CNTN5: variants seen among roughly 807,000 people sequenced by gnomAD.
The protein encoded by CNTN5 is contactin-5.
Under a neutral mutation model 129.1 loss-of-function variants are expected in CNTN5, and 77 were observed. The ratio of observed to expected loss-of-function variants is 0.60; its 90% CI spans 0.50 to 0.72. The LOEUF (loss-of-function observed/expected upper bound fraction) is 0.72. Among genes scored for constraint, CNTN5 ranks in the 30% least tolerant of loss-of-function variants. The pLI, the probability that CNTN5 is intolerant of heterozygous loss-of-function variation, is 0.00. For synonymous variants in CNTN5, 509 were observed against 465.6 expected (o/e 1.09, Z -1.20); for missense variants, 1,478 against 1,328.8 (o/e 1.11, Z -1.75).
intron 13 of CNTN5, among the ~76,000 whole-genome samples, chr11:100,161,872 C>CACACAAAA (rs1191557675): frequency 1.6e-5 from 2 of 127,620 alleles, no homozygotes; most frequent in African/African-American, 6.0e-5. Flanking sequence ...CACACACACA[C>CACACAAAA]AAAACAAAAA....
intron 15 of CNTN5, among the ~76,000 whole-genome samples, chr11:100,200,636 G>A (rs1591385816): frequency 6.6e-6 from 1 of 151,788 alleles, no homozygotes. Flanking sequence ...TTTGTCGGGG[G>A]CATGCTTGGA....
At chr11:99,468,769 T>C (rs1407408900) in intron 2 of CNTN5, among the ~76,000 whole-genome samples, 1 of 151,458 alleles carries the variant, frequency 6.6e-6, no homozygotes, top group East Asian at 1.9e-4. Context: ...AGTTTCCCTC[T>C]TGTTGCCCAG....
intron 13 of CNTN5, among the ~76,000 whole-genome samples, chr11:100,120,155 A>G (rs1164568966): frequency 6.6e-6 from 1 of 151,876 alleles, no homozygotes; most frequent in Admixed American, 6.6e-5. Flanking sequence ...ACTTTTCACT[A>G]TTATAGGATA....
intron 21 of CNTN5, among the ~76,000 whole-genome samples, chr11:100,331,069 T>C (rs1043948717): frequency 1.3e-5 from 2 of 152,196 alleles, no homozygotes; most frequent in African/African-American, 2.4e-5. Flanking sequence ...CAACTAAGTT[T>C]CTGCTGTCCT....
At chr11:99,971,464 A>G (rs1008749823) in intron 8 of CNTN5, among the ~76,000 whole-genome samples, 1 of 151,552 alleles carries the variant, frequency 6.6e-6, no homozygotes, top group African/African-American at 2.4e-5. Flanking sequence ...AATCGCTTGA[A>G]CCCGAGAGGC....
chr11:99,593,506 G>C (rs1308885050), intron 3 of CNTN5, among the ~76,000 whole-genome samples: 2 of 152,106 alleles, frequency 1.3e-5, no homozygotes, highest in Non-Finnish European at 2.9e-5. Flanking sequence ...ACAAAAGCAT[G>C]CTATGACAGA....
At chr11:99,532,479 G>A (rs564950580) in intron 2 of CNTN5, among the ~76,000 whole-genome samples, 54 of 152,226 alleles carry the variant, frequency 3.5e-4, no homozygotes, top group African/African-American at 1.1e-3. Context: ...TTTGAAATGT[G>A]AGGACATGAG....
chr11:99,187,834 T>C (rs1422029885), intron 1 of CNTN5, among the ~76,000 whole-genome samples: 1 of 151,840 alleles, frequency 6.6e-6, no homozygotes, highest in Non-Finnish European at 1.5e-5. Context: ...TGTAAAACAT[T>C]ATTAAATACA....
intron 24 of CNTN5, among the ~76,000 whole-genome samples, chr11:100,354,329 G>A (rs1463872820): frequency 6.6e-6 from 1 of 151,598 alleles, no homozygotes; most frequent in East Asian, 1.9e-4. Context: ...TTGTGGTTAT[G>A]TAGGGCTATT....
chr11:100,161,144 A>G (rs1216270680), intron 13 of CNTN5, among the ~76,000 whole-genome samples: 2 of 151,872 alleles, frequency 1.3e-5, no homozygotes, highest in East Asian at 3.9e-4. Context: ...TTAATTGTCA[A>G]GTAAGATTAG....
intron 3 of CNTN5, among the ~76,000 whole-genome samples, chr11:99,738,273 G>T (rs996772847): frequency 6.6e-6 from 1 of 152,138 alleles, no homozygotes; most frequent in Non-Finnish European, 1.5e-5. Context: ...GGGAAGTTTG[G>T]ATACTCAGAC....
chr11:99,197,301 A>G (rs1858953038), intron 1 of CNTN5, among the ~76,000 whole-genome samples: 1 of 151,974 alleles, frequency 6.6e-6, no homozygotes, highest in Non-Finnish European at 1.5e-5. Flanking sequence ...ATACTTAAAT[A>G]GATGTTGAAG....
chr11:100,091,777 T>C (rs1009475832), intron 13 of CNTN5, among the ~76,000 whole-genome samples: 1 of 152,080 alleles, frequency 6.6e-6, no homozygotes, highest in Non-Finnish European at 1.5e-5. Context: ...ATCAGGGGGC[T>C]TGTTTGCTTT....
chr11:100,053,346 T>TG (rs1011976878), intron 9 of CNTN5, among the ~76,000 whole-genome samples: 29 of 151,832 alleles, frequency 1.9e-4, no homozygotes, highest in African/African-American at 6.5e-4. Flanking sequence ...AATATATATT[T>TG]GATAAAGAAC....
intron 1 of CNTN5, among the ~76,000 whole-genome samples, chr11:99,140,475 A>ATTTAT (rs1409174562): frequency 6.6e-6 from 1 of 151,586 alleles, no homozygotes; most frequent in Non-Finnish European, 1.5e-5. Context: ...ATTTTATTTT[A>ATTTAT]TTTTATTTTT....
chr11:99,616,895 G>GT (rs1460313805), intron 3 of CNTN5, among the ~76,000 whole-genome samples: 1 of 152,246 alleles, frequency 6.6e-6, no homozygotes, highest in Non-Finnish European at 1.5e-5. Context: ...TCGATGACCT[G>GT]AGGTCAGGAG....
At chr11:99,119,031 C>T (rs1414752898) in intron 1 of CNTN5, among the ~76,000 whole-genome samples, 1 of 151,998 alleles carries the variant, frequency 6.6e-6, no homozygotes, top group African/African-American at 2.4e-5. Context: ...TTTTAAATTA[C>T]AACCTATGAA....
rs551715234 is a variant in CNTN5, at chr11:100,257,974, G to C, written c.2164+2056G>C. On this transcript the variant is annotated intron_variant, in intron 17 of 24. Coordinates refer to ENST00000524871, the MANE Select transcript of CNTN5 (RefSeq NM_014361.4). ...TTGACAGAAGCAGGCATCAGAAGGT[G>C]GGTAATAACTCCTCCAAGCTAAAGG... Among the ~76,000 whole-genome samples, 4 of 151,964 alleles carry C rather than the reference G, an allele frequency of 2.6e-5. No homozygotes were observed. The East Asian group carries it at 7.8e-4, about 29-fold the overall frequency.
rs149024339 is a variant in CNTN5, at chr11:100,064,712, C to T, written c.1162+3319C>T. Among the ~76,000 whole-genome samples the T allele has an allele frequency of 1.2e-3, 177 of 152,140 alleles. 1 individual carries two copies. The highest frequency in any genetic ancestry group is 4.1e-3 in the African/African-American group (172 of 41,530). On this transcript the variant is annotated intron_variant, in intron 10 of 24. Coordinates refer to ENST00000524871, the MANE Select transcript of CNTN5 (RefSeq NM_014361.4). ...TGATGAAAAAGACCTGGTTTTAACT[C>T]ATCATATAAAATTTTGTTTCTATAG...
Sources: gnomAD v4.1 joint callset for allele counts (sites outside exome capture counted in the v4.1 genomes callset) on GRCh38, gnomAD v4.1.1 for gene constraint, MANE v1.5 for transcripts, NCBI Gene and HGNC (gene_info 2026-07-23, HGNC 2026-07-21) for gene names.